Variants in CYB5R4 observed in about 807,000 individuals in gnomAD.
CYB5R4 encodes N-terminal cytochrome b5 and cytochrome b5 oxidoreductase domain-containing protein.
In CYB5R4, 55 loss-of-function variants were observed where a neutral mutation model predicts 70.2. The observed-to-expected ratio is 0.78, with a 90% CI of 0.63 to 0.98. The LOEUF is 0.98. Ranked by LOEUF, CYB5R4 falls within the 50% of genes least tolerant of loss-of-function variation. The probability of loss-of-function intolerance (pLI) is 0.00; values close to 1 mark genes in which losing one functional copy is unlikely to be tolerated. For synonymous variants in CYB5R4, 197 were observed against 199.5 expected, an observed-to-expected ratio of 0.99 and a Z score of 0.11; for missense variants, 562 against 612.6, an observed-to-expected ratio of 0.92 and a Z score of 0.87.
chr6:83,870,443 G>GTT (rs61532875), intron 2 of CYB5R4, among the ~76,000 whole-genome samples: 3 of 141,726 alleles, frequency 2.1e-5, no homozygotes, highest in African/African-American at 7.6e-5. Flanking sequence ...TTATCTAACC[G>GTT]TTTTTTTTTT....
At chr6:83,899,143 G>A (rs1029195873) in intron 3 of CYB5R4, among the ~76,000 whole-genome samples, 62 of 152,192 alleles carry the variant, frequency 4.1e-4, no homozygotes, top group African/African-American at 1.4e-3. Flanking sequence ...TGTGGCATCA[G>A]TACCTAATTT....
chr6:83,881,177 CT>C (rs552686378), intron 2 of CYB5R4, among the ~76,000 whole-genome samples: 9 of 148,682 alleles, frequency 6.1e-5, no homozygotes, highest in African/African-American at 1.2e-4. Flanking sequence ...CTTTTTCTTT[CT>C]TTTTTTTTTC....
intron 4 of CYB5R4, 37 bp from the exon 5 acceptor site, chr6:83,914,379 A>C: frequency 2.0e-6 from 3 of 1,512,374 alleles, no homozygotes; most frequent in African/African-American, 1.4e-5. Flanking sequence ...ACATTAAAGT[A>C]TTCTTATTTG....
At chr6:83,881,384 A>G (rs1165663701) in intron 2 of CYB5R4, among the ~76,000 whole-genome samples, 1 of 152,128 alleles carries the variant, frequency 6.6e-6, no homozygotes, top group African/African-American at 2.4e-5. Flanking sequence ...TTTGTTGCCC[A>G]GGCTGGTCTC....
intron 3 of CYB5R4, among the ~76,000 whole-genome samples, chr6:83,894,970 T>C (rs1226690546): frequency 6.6e-6 from 1 of 151,990 alleles, no homozygotes; most frequent in Non-Finnish European, 1.5e-5. Flanking sequence ...CAAGGGCCCA[T>C]TGTGTTTGAG....
chr6:83,967,074 C>A lies in CYB5R4; in HGVS notation c.*7196C>A, dbSNP rs1246048052. On this transcript the variant is annotated 3_prime_UTR_variant, in exon 16 of 16. Coordinates refer to ENST00000369681, the MANE Select transcript of CYB5R4 (RefSeq NM_016230.4). ...GAAAGTGTTGTACCACATTTGATAT[C>A]CTGATGGAAAAAAATGTGAGCCAAG... 1 of 152,102 alleles carries A rather than the reference C, an allele frequency of 6.6e-6. No homozygotes were observed. Among genetic ancestry groups the A allele is most frequent in the Non-Finnish European group, 1.5e-5 (1 of 68,018 alleles). 9.4% of individuals were successfully genotyped at this position (152,102 alleles called of 1,614,324 possible). A position where few individuals can be genotyped will look rare whatever the true frequency, so the allele number is the denominator to read the frequency against.
At chr6:83,953,657 A>C (rs1356055108) in intron 14 of CYB5R4, among the ~76,000 whole-genome samples, 1 of 152,074 alleles carries the variant, frequency 6.6e-6, no homozygotes, top group Non-Finnish European at 1.5e-5. Flanking sequence ...TAAGGCTGTT[A>C]ATGTAATATT....
chr6:83,957,478 G>A (rs1439989556), intron 15 of CYB5R4, among the ~76,000 whole-genome samples: 4 of 151,878 alleles, frequency 2.6e-5, no homozygotes, highest in Non-Finnish European at 5.9e-5. Context: ...AAAATTAGCC[G>A]AGCATGGTGG....
At chr6:83,887,128 A>G (rs1035124282) in intron 2 of CYB5R4, among the ~76,000 whole-genome samples, 1 of 152,180 alleles carries the variant, frequency 6.6e-6, no homozygotes, top group African/African-American at 2.4e-5. Flanking sequence ...TTCTGTATAA[A>G]AAGGCAATAT....
At position 83,873,590 on chromosome 6, in the gene CYB5R4, G is replaced by A. The variant is rs563497172; in HGVS notation, c.229+9262G>A. 5.9e-5 allele frequency among the ~76,000 whole-genome samples: 9 copies of A among 152,258 alleles called. No homozygotes were observed. In the East Asian group the frequency reaches 1.7e-3, roughly 29 times the overall value. ...AAACATAGTTTTTGCTTTTTCGTAT[G>A]ACTGTGTGTAGTTGTCGCTCATAAA... On this transcript the variant is annotated intron_variant, in intron 2 of 15. Coordinates refer to ENST00000369681, the MANE Select transcript of CYB5R4 (RefSeq NM_016230.4).
In CYB5R4 at chr6:83,961,345, G is replaced by A. The variant is rs1473554402; in HGVS notation, c.*1467G>A. On this transcript the variant is annotated 3_prime_UTR_variant, in exon 16 of 16. Coordinates refer to ENST00000369681, the MANE Select transcript of CYB5R4 (RefSeq NM_016230.4). ...ATTTTTTTCCATCTAAGGGTGAGGTGATTTGGCTCTGTGTCCTCACCCAAA... is the reference window on the plus strand; with the variant it reads ...ATTTTTTTCCATCTAAGGGTGAGGTAATTTGGCTCTGTGTCCTCACCCAAA... The A allele has an allele frequency of 2.0e-5, 3 of 151,746 alleles. No homozygotes were observed. Among genetic ancestry groups the A allele is most frequent in the Non-Finnish European group, 4.4e-5 (3 of 67,992 alleles). The allele number at this position is 151,746 out of a possible 1,614,324, so 9.4% of individuals were successfully genotyped here.
At chr6:83,943,829 C>A (rs1010293305) in intron 14 of CYB5R4, among the ~76,000 whole-genome samples, 3 of 151,600 alleles carry the variant, frequency 2.0e-5, no homozygotes, top group Non-Finnish European at 4.4e-5. Context: ...TATCCATAGC[C>A]AAATCGATCA....
rs967261768 is a variant in CYB5R4 at position 83,965,550 on chromosome 6, C to T, written c.*5672C>T. The stretch of plus-strand genomic sequence containing the variant: ...TAGCTTGCTTTTGATTTTACAGGCT[C>T]ATAAGTGGAAGGGACTTGCCTTGTC... On this transcript the variant is annotated 3_prime_UTR_variant, in exon 16 of 16. Transcript: ENST00000369681. The T allele has an allele frequency of 6.6e-6, 1 of 152,162 alleles. No homozygotes were observed. The highest frequency in any genetic ancestry group is 1.5e-5 in the Non-Finnish European group (1 of 68,050). The allele number at this position is 152,162 out of a possible 1,614,324, so 9.4% of individuals were successfully genotyped here.
chr6:83,867,882 C>A (rs1268824927), intron 2 of CYB5R4, among the ~76,000 whole-genome samples: 1 of 152,206 alleles, frequency 6.6e-6, no homozygotes, highest in Non-Finnish European at 1.5e-5. Flanking sequence ...ACAGCTTGCT[C>A]ACACCCAGTG....
chr6:83,959,224 T>C (rs2099472915), intron 15 of CYB5R4, among the ~76,000 whole-genome samples: 1 of 152,158 alleles, frequency 6.6e-6, no homozygotes, highest in Non-Finnish European at 1.5e-5. Context: ...TAGATCATAA[T>C]GGTAGCTAGC....
At chr6:83,907,777 C>G (rs2099464035) in intron 3 of CYB5R4, among the ~76,000 whole-genome samples, 1 of 152,152 alleles carries the variant, frequency 6.6e-6, no homozygotes, top group Non-Finnish European at 1.5e-5. Context: ...TGGCCTCCAG[C>G]TCCATCCATG....
chr6:83,932,531 G>A (rs2099468314), intron 10 of CYB5R4, among the ~76,000 whole-genome samples: 1 of 152,200 alleles, frequency 6.6e-6, no homozygotes, highest in Non-Finnish European at 1.5e-5. Flanking sequence ...CTGTGCAAGA[G>A]GGTCACCTGC....
At chr6:83,916,589 C>A (rs2099465550) in intron 5 of CYB5R4, among the ~76,000 whole-genome samples, 1 of 152,122 alleles carries the variant, frequency 6.6e-6, no homozygotes, top group African/African-American at 2.4e-5. Context: ...ATTATTAGTT[C>A]ACAACTCTGA....
intron 3 of CYB5R4, among the ~76,000 whole-genome samples, chr6:83,898,005 G>T (rs1008391036): frequency 2.6e-5 from 4 of 152,082 alleles, no homozygotes; most frequent in South Asian, 2.1e-4. Context: ...AGGTTTTCTT[G>T]TAGGGTTTTT....
Sources: gnomAD v4.1 joint callset for allele counts (sites outside exome capture counted in the v4.1 genomes callset) on GRCh38, gnomAD v4.1.1 for gene constraint, MANE v1.5 for transcripts, NCBI Gene and HGNC (gene_info 2026-07-23, HGNC 2026-07-21) for gene names.